The following TNS1 variants were observed in gnomAD, a reference collection of about 807,000 sequenced individuals.
TNS1 encodes the protein tensin-1.
Under a neutral mutation model 168.6 loss-of-function variants are expected in TNS1, and 62 were observed. That is an observed-to-expected ratio of 0.37 (90% confidence interval 0.30 to 0.45). TNS1 has a LOEUF of 0.45. Among genes scored for constraint, TNS1 ranks in the 20% least tolerant of loss-of-function variants. TNS1 has a pLI of 1.00. For synonymous variants in TNS1, 934 were observed against 933.2 expected, an observed-to-expected ratio of 1.00 and a Z score of -0.02; for missense variants, 2,240 against 2,339.4, an observed-to-expected ratio of 0.96 and a Z score of 0.88.
At chr2:217,937,242 G>A (rs80205815) in intron 3 of TNS1, 3 of 353,298 alleles carry the variant, frequency 8.5e-6, no homozygotes, top group African/African-American at 6.4e-5. Context: ...CTCATACCCA[G>A]CACCTTAACT....
At chr2:217,903,281 C>T (rs191556608) in intron 6 of TNS1, among the ~76,000 whole-genome samples, 131 of 152,268 alleles carry the variant, frequency 8.6e-4, no homozygotes, top group African/African-American at 3.1e-3. Context: ...CCATGATACT[C>T]ATCACCATAC....
chr2:217,966,278 T>C (rs1369717501), intron 3 of TNS1, among the ~76,000 whole-genome samples: 5 of 140,218 alleles, frequency 3.6e-5, no homozygotes, highest in Admixed American at 2.7e-4. Flanking sequence ...CGTGTGTGTG[T>C]GTGTGTGTGT....
At chr2:217,930,414 C>G (rs1559369390) in intron 3 of TNS1, among the ~76,000 whole-genome samples, 1 of 152,130 alleles carries the variant, frequency 6.6e-6, no homozygotes, top group Non-Finnish European at 1.5e-5. Flanking sequence ...TCAGAGAACA[C>G]AAAGAGACCA....
At chr2:217,994,062 C>G (rs1398859092) in intron 1 of TNS1, among the ~76,000 whole-genome samples, 1 of 151,978 alleles carries the variant, frequency 6.6e-6, no homozygotes, top group Admixed American at 6.6e-5. Context: ...GTCAGGGAGG[C>G]CTCTGAGGGG....
At chr2:217,932,181 G>A (rs1040443794) in intron 3 of TNS1, among the ~76,000 whole-genome samples, 3 of 152,118 alleles carry the variant, frequency 2.0e-5, no homozygotes, top group Admixed American at 6.5e-5. Context: ...TCCTGTTTGC[G>A]GGTCCTCATT....
At position 217,847,609 on chromosome 2, in the gene TNS1, G is replaced by C. The variant is rs1188374931; in HGVS notation, c.2908C>G (p.Gln970Glu). The C allele has an allele frequency of 6.4e-7, 1 of 1,565,314 alleles. No homozygotes were observed. The highest frequency in any genetic ancestry group is 1.2e-5 in the South Asian group (1 of 84,832). The change falls in exon 19 of 33, where the codon CAG (glutamine) becomes GAG (glutamate). Residue 970 changes from glutamine (Q) to glutamate (E), a missense_variant. Around this residue, in one of 2 missense-constraint regions of TNS1, gnomAD observed 2,131 missense variants for 2,171.2 expected, o/e 0.98. Coordinates refer to ENST00000682258, the MANE Select transcript of TNS1 (RefSeq NM_001387777.1). The part of the protein sequence containing the change: ...PPASLPGLTA[Q>E]PLLSPKEATS... The stretch of plus-strand genomic sequence containing the variant: ...GCTTCCTTTGGTGAGAGCAGAGGCT[G>C]AGCAGTGAGGCCAGGGAGAGAGGCT...
chr2:217,813,748 C>A lies in TNS1; in HGVS notation c.4798G>T (p.Ala1600Ser). 1 of 1,613,998 alleles carries A rather than the reference C, an allele frequency of 6.2e-7. No homozygotes were observed. The highest frequency in any genetic ancestry group is 8.5e-7 in the Non-Finnish European group (1 of 1,179,946). ...IIRDSHSFRGAYGLAMKVSSP... is the reference protein window; with the variant it reads ...IIRDSHSFRGSYGLAMKVSSP... ...GACACCTTCATGGCCAGCCCGTACG[C>A]GCCTCGGAAGGAGTGACTGTCGCGG... The change falls in exon 26 of 33, where the codon GCG becomes TCG. Residue 1600 changes from alanine to serine, a missense_variant. Around this residue, in one of 2 missense-constraint regions of TNS1, gnomAD observed 2,131 missense variants for 2,171.2 expected, o/e 0.98. Transcript: ENST00000682258. This position sits in a 1 kb window ranked among gnomAD's most constrained non-coding sequence, Gnocchi z 4.0.
chr2:217,932,968 C>G (rs921141843), intron 3 of TNS1, among the ~76,000 whole-genome samples: 1 of 152,152 alleles, frequency 6.6e-6, no homozygotes, highest in African/African-American at 2.4e-5. Context: ...CAGGAGCCCC[C>G]GCAAGCAGAA....
In TNS1 at chr2:217,839,514, C is replaced by T. The variant is rs568113103; in HGVS notation, c.3008-3303G>A. Among the ~76,000 whole-genome samples the T allele has an allele frequency of 2.0e-4, 30 of 152,226 alleles. No homozygotes were observed. The East Asian group carries it at 2.9e-3, about 15-fold the overall frequency. On this transcript the variant is annotated intron_variant, in intron 19 of 32. Coordinates refer to ENST00000682258, the MANE Select transcript of TNS1 (RefSeq NM_001387777.1). ...ACAGCTCACTCCAAGGCTCCCCTAG[C>T]ATGAGCCAGACTGGAGGCAATTAAT...
In TNS1 at chr2:217,966,321, G is replaced by GCA. The variant is rs1163661293; in HGVS notation, c.186+12443_186+12444insTG. 3.0e-4 allele frequency among the ~76,000 whole-genome samples: 45 copies of GCA among 151,464 alleles called. 1 individual carries two copies. The South Asian group carries it at 5.4e-3, about 18-fold the overall frequency. On this transcript the variant is annotated intron_variant, in intron 3 of 32. Coordinates refer to ENST00000682258, the MANE Select transcript of TNS1 (RefSeq NM_001387777.1). ...TGTGTGTGTGTGTGCGCGCGCGCGC[G>GCA]TGTGTAAGGAGACAGCAAGAGAGAG...
rs538343833 is a variant in TNS1 at position 217,867,524 on chromosome 2, G to C, written c.1429+13374C>G. ...GGAATAGTATGCAGCTGAACAAAAT[G>C]AGAAGACTCTTTACCTGCCATTACA... On this transcript the variant is annotated intron_variant, in intron 18 of 32. Coordinates refer to ENST00000682258, the MANE Select transcript of TNS1 (RefSeq NM_001387777.1). Among the ~76,000 whole-genome samples, 163 of 152,344 alleles carry C rather than the reference G, an allele frequency of 1.1e-3. 1 individual carries two copies. The highest frequency in any genetic ancestry group is 3.6e-3 in the African/African-American group (150 of 41,582).
At chr2:218,007,454 T>C (rs1574479505), upstream of TNS1, among the ~76,000 whole-genome samples, 1 of 151,362 alleles carries the variant, frequency 6.6e-6, no homozygotes, top group African/African-American at 2.4e-5. Context: ...GGATGGAGAA[T>C]GTTCTTACAG....
intron 3 of TNS1, among the ~76,000 whole-genome samples, chr2:217,925,712 C>T (rs1370276034): frequency 6.6e-6 from 1 of 152,178 alleles, no homozygotes; most frequent in Non-Finnish European, 1.5e-5. Context: ...TAAGTACATT[C>T]ACGGTAATGT....
intron 3 of TNS1, among the ~76,000 whole-genome samples, chr2:217,950,454 G>C (rs2125975460): frequency 6.6e-6 from 1 of 152,220 alleles, no homozygotes; most frequent in South Asian, 2.1e-4. Context: ...GTGGGCCCTG[G>C]TCACTGGGGA....
At chr2:217,969,336 C>T (rs1326982292) in intron 3 of TNS1, among the ~76,000 whole-genome samples, 1 of 152,058 alleles carries the variant, frequency 6.6e-6, no homozygotes, top group Middle Eastern at 3.2e-3. Flanking sequence ...GGATAAAAGA[C>T]CTAAATATAA....
chr2:217,823,872 A>G (rs1379345897), intron 22 of TNS1, among the ~76,000 whole-genome samples: 1 of 152,148 alleles, frequency 6.6e-6, no homozygotes, highest in Non-Finnish European at 1.5e-5. Context: ...CCTCCTCGAA[A>G]TCCTCCCTCA....
intron 3 of TNS1, among the ~76,000 whole-genome samples, chr2:217,937,783 G>C (rs1464491039): frequency 6.6e-6 from 1 of 152,116 alleles, no homozygotes; most frequent in Non-Finnish European, 1.5e-5. Flanking sequence ...CTCCTCCAGA[G>C]GCTAGGGACA....
Position 217,868,642 on chromosome 2 carries a change from T to C in TNS1, c.1429+12256A>G, listed in dbSNP as rs532009941. Among the ~76,000 whole-genome samples the C allele has an allele frequency of 2.6e-5, 4 of 152,358 alleles. No individual in the cohort carries two copies. The South Asian group carries it at 8.3e-4, about 32-fold the overall frequency. Reference sequence around the variant, plus strand: ...TGATTACTTTTAATTCTCAATGCTATAAGACAGGTACTAGCCTTCTCCCCA... The same window carrying C: ...TGATTACTTTTAATTCTCAATGCTACAAGACAGGTACTAGCCTTCTCCCCA... On this transcript the variant is annotated intron_variant, in intron 18 of 32. Transcript: ENST00000682258.
chr2:218,030,994 ATGAG>A (rs1425396718), intron 1 of TNS1, among the ~76,000 whole-genome samples: 2 of 149,650 alleles, frequency 1.3e-5, no homozygotes, highest in South Asian at 2.2e-4. Context: ...GAGTGTATGT[ATGAG>A]TGTGAGTGTG....
Sources: allele counts gnomAD v4.1 joint callset (sites outside exome capture counted in the v4.1 genomes callset), GRCh38; gene constraint gnomAD v4.1.1; regional missense constraint gnomAD v4.1.1; non-coding constraint Gnocchi (gnomAD v3.1); transcripts MANE v1.5; gene names NCBI Gene and HGNC (gene_info 2026-07-23, HGNC 2026-07-21).